The following STIM1 variants were observed in gnomAD, a reference collection of about 807,000 sequenced individuals.
The protein encoded by STIM1 is stromal interaction molecule 1.
Under a neutral mutation model 74.7 loss-of-function variants are expected in STIM1, and 25 were observed. The observed-to-expected ratio is 0.33, with a 90% CI of 0.24 to 0.47. The LOEUF is 0.47. STIM1 is among the 20% of genes least tolerant of loss of function. The pLI, the probability that STIM1 is intolerant of heterozygous loss-of-function variation, is 1.00. For missense variants in STIM1, 728 were observed against 920.8 expected, an observed-to-expected ratio of 0.79 and a Z score of 2.71; for synonymous variants, 328 against 348.8, an observed-to-expected ratio of 0.94 and a Z score of 0.66.
intron 2 of STIM1, among the ~76,000 whole-genome samples, chr11:4,018,735 T>C (rs1269721921): frequency 6.6e-6 from 1 of 152,050 alleles, no homozygotes; most frequent in Non-Finnish European, 1.5e-5. Context: ...GGTTACCACC[T>C]TACTCATTTC....
chr11:3,866,203 C>T (rs1412163306), intron 1 of STIM1, among the ~76,000 whole-genome samples: 2 of 152,174 alleles, frequency 1.3e-5, no homozygotes, highest in South Asian at 2.1e-4. Context: ...TTTATTTATA[C>T]TGCTTCACTT....
chr11:3,909,567 G>A (rs1356622264), intron 1 of STIM1, among the ~76,000 whole-genome samples: 1 of 152,186 alleles, frequency 6.6e-6, no homozygotes, highest in Non-Finnish European at 1.5e-5. Flanking sequence ...GCTCACGCCT[G>A]TAATCCCAGC....
chr11:3,991,967 A>G lies in STIM1; in HGVS notation c.270+24285A>G, dbSNP rs1349661446. ...CTCCATCTCAAAAAAAAAAAAAAAA[A>G]AAAAAGAAAAAAAAAAAAAATCTCC... is the stretch of plus-strand genomic sequence containing the variant. On this transcript the variant is annotated intron_variant, in intron 2 of 12. Transcript: ENST00000526596. 4.0e-3 allele frequency among the ~76,000 whole-genome samples: 437 copies of G among 108,068 alleles called. 3 individuals carry two copies. The highest frequency in any genetic ancestry group is 0.019 in the South Asian group (56 of 2,910). The allele number at this position is 108,068 out of a possible 152,430, so 70.9% of individuals were successfully genotyped here.
chr11:3,876,747 A>G (rs141891686), intron 1 of STIM1, among the ~76,000 whole-genome samples: 14 of 152,288 alleles, frequency 9.2e-5, no homozygotes, highest in African/African-American at 3.4e-4. Context: ...AGATAAAGAA[A>G]TACTGATATC....
chr11:3,902,852 G>A (rs998640331), intron 1 of STIM1, among the ~76,000 whole-genome samples: 2 of 152,154 alleles, frequency 1.3e-5, no homozygotes, highest in Non-Finnish European at 2.9e-5. Context: ...GATTGCAATT[G>A]GTGTTGTGGA....
intron 1 of STIM1, 50 bp downstream of exon 1, chr11:3,856,459 T>C (rs1185308599): frequency 7.6e-6 from 12 of 1,587,302 alleles, no homozygotes; most frequent in East Asian, 2.2e-5. Flanking sequence ...GGCTCAGGAC[T>C]GAGTGGCCCG....
intron 5 of STIM1, among the ~76,000 whole-genome samples, chr11:4,065,974 A>G (rs2094362820): frequency 6.6e-6 from 1 of 152,218 alleles, no homozygotes; most frequent in South Asian, 2.1e-4. Context: ...TTGGATGCTC[A>G]CTTTCTCAGT....
chr11:3,996,054 T>A (rs1422725252), intron 2 of STIM1, among the ~76,000 whole-genome samples: 1 of 152,158 alleles, frequency 6.6e-6, no homozygotes, highest in Non-Finnish European at 1.5e-5. Flanking sequence ...CACCACAACT[T>A]CTACTCTTTT....
chr11:4,003,020 C>A (rs1397130094), intron 2 of STIM1, among the ~76,000 whole-genome samples: 2 of 150,624 alleles, frequency 1.3e-5, no homozygotes, highest in Non-Finnish European at 3.0e-5. Context: ...CACATACACT[C>A]TCCCAAGACT....
intron 2 of STIM1, among the ~76,000 whole-genome samples, chr11:4,021,119 G>T (rs1490910127): frequency 6.7e-6 from 1 of 148,760 alleles, no homozygotes; most frequent in Admixed American, 6.9e-5. Flanking sequence ...ATCTATTTTT[G>T]TATTTTGTTG....
chr11:3,927,331 C>T (rs1440118560), intron 1 of STIM1, among the ~76,000 whole-genome samples: 1 of 152,118 alleles, frequency 6.6e-6, no homozygotes, highest in African/African-American at 2.4e-5. Context: ...CATTTTCTAC[C>T]TCTGGATGGC....
chr11:3,901,103 A>G (rs570117612), intron 1 of STIM1, among the ~76,000 whole-genome samples: 1 of 152,270 alleles, frequency 6.6e-6, no homozygotes, highest in African/African-American at 2.4e-5. Context: ...AGGCAGGAGA[A>G]TTGCTTGAAC....
intron 2 of STIM1, among the ~76,000 whole-genome samples, chr11:3,991,496 A>G (rs531061137): frequency 1.3e-5 from 2 of 152,000 alleles, no homozygotes; most frequent in Non-Finnish European, 2.9e-5. Flanking sequence ...AATGGCATCT[A>G]GGTTGATTTC....
At chr11:4,012,904 T>C (rs1590647421) in intron 2 of STIM1, among the ~76,000 whole-genome samples, 1 of 152,230 alleles carries the variant, frequency 6.6e-6, no homozygotes, top group East Asian at 1.9e-4. Flanking sequence ...GTTCCATCAA[T>C]ACCTAGTTTA....
intron 1 of STIM1, among the ~76,000 whole-genome samples, chr11:3,954,624 GA>G (rs1373478339): frequency 6.6e-6 from 1 of 152,192 alleles, no homozygotes; most frequent in Non-Finnish European, 1.5e-5. Flanking sequence ...GATCTTTGAA[GA>G]AAAGACATTT....
intron 2 of STIM1, among the ~76,000 whole-genome samples, chr11:3,982,535 C>T (rs1166122102): frequency 6.6e-6 from 1 of 152,156 alleles, no homozygotes; most frequent in South Asian, 2.1e-4. Context: ...GCTGTGTACT[C>T]TTGCATATGC....
intron 1 of STIM1, among the ~76,000 whole-genome samples, chr11:3,879,248 G>A (rs1051188842): frequency 1.3e-5 from 2 of 152,112 alleles, no homozygotes; most frequent in African/African-American, 2.4e-5. Context: ...GAGCCACTGC[G>A]TCCAGCGTTT....
chr11:4,057,797 G>A (rs1316293632), intron 4 of STIM1, among the ~76,000 whole-genome samples: 3 of 151,800 alleles, frequency 2.0e-5, no homozygotes, highest in African/African-American at 7.3e-5. Flanking sequence ...GTGAACCCGG[G>A]AGGTGGAGCT....
intron 1 of STIM1, among the ~76,000 whole-genome samples, chr11:3,934,220 CT>C (rs56117114): frequency 0.36 from 53,357 of 149,002 alleles, 9,635 homozygotes; most frequent in South Asian, 0.5. Flanking sequence ...TTTCAGCACT[CT>C]TTTTTTTTTT....
Sources: allele counts gnomAD v4.1 joint callset (sites outside exome capture counted in the v4.1 genomes callset), GRCh38; gene constraint gnomAD v4.1.1; transcripts MANE v1.5; gene names NCBI Gene and HGNC (gene_info 2026-07-23, HGNC 2026-07-21).